Variants in DAPK1 observed in about 807,000 individuals in gnomAD.
DAPK1 encodes the protein death associated protein kinase 1.
DAPK1 carries 56 observed loss-of-function variants against 144.9 expected under a neutral mutation model. That is an observed-to-expected ratio of 0.39 (90% CI 0.31 to 0.48). DAPK1 has a LOEUF of 0.48. DAPK1 is among the 20% of genes least tolerant of loss of function. DAPK1 has a pLI of 0.95. For missense variants in DAPK1, 1,454 were observed against 1,875.4 expected (o/e 0.78, Z 4.15); for synonymous variants, 690 against 749.0 (o/e 0.92, Z 1.29).
chr9:87,660,809 G>A (rs978081383), intron 18 of DAPK1, among the ~76,000 whole-genome samples: 1 of 152,138 alleles, frequency 6.6e-6, no homozygotes, highest in Non-Finnish European at 1.5e-5. Context: ...CAAAGGACAT[G>A]ATTTCCTTCT....
intron 2 of DAPK1, among the ~76,000 whole-genome samples, chr9:87,563,911 A>G (rs1323050516): frequency 6.6e-6 from 1 of 151,676 alleles, no homozygotes; most frequent in Non-Finnish European, 1.5e-5. Context: ...ATCAGTGTCC[A>G]CTCCCTGCTC....
intron 2 of DAPK1, chr9:87,525,257 G>C: frequency 6.9e-7 from 1 of 1,444,100 alleles, no homozygotes; most frequent in Non-Finnish European, 9.7e-7. Context: ...AAAATGCGTT[G>C]AATAGAGCTT....
At chr9:87,592,721 T>C (rs897472160) in intron 2 of DAPK1, among the ~76,000 whole-genome samples, 9 of 152,122 alleles carry the variant, frequency 5.9e-5, no homozygotes, top group Admixed American at 5.9e-4. Context: ...CGTGGCTGAC[T>C]TCCAGGGAGT....
At chr9:87,662,458 G>A (rs1830882647) in intron 18 of DAPK1, among the ~76,000 whole-genome samples, 1 of 151,270 alleles carries the variant, frequency 6.6e-6, no homozygotes, top group Admixed American at 6.6e-5. Context: ...CGTGAGCACA[G>A]GATGTTTTTC....
intron 2 of DAPK1, among the ~76,000 whole-genome samples, chr9:87,509,204 C>G (rs1824734640): frequency 6.6e-6 from 1 of 152,178 alleles, no homozygotes; most frequent in Non-Finnish European, 1.5e-5. Context: ...TTAATGGGTG[C>G]TGCTCATGTT....
At chr9:87,602,549 A>C (rs187380471) in intron 2 of DAPK1, among the ~76,000 whole-genome samples, 2 of 152,308 alleles carry the variant, frequency 1.3e-5, no homozygotes, top group African/African-American at 4.8e-5. Context: ...TGGAGGTGAA[A>C]ACGCACGTGG....
chr9:87,689,591 G>A (rs1278957963), intron 21 of DAPK1, among the ~76,000 whole-genome samples: 1 of 151,952 alleles, frequency 6.6e-6, no homozygotes, highest in African/African-American at 2.4e-5. Context: ...ATCTTTGTAG[G>A]ACCAATGTCC....
chr9:87,641,063 A>C (rs1205274321), intron 9 of DAPK1, among the ~76,000 whole-genome samples: 1 of 152,142 alleles, frequency 6.6e-6, no homozygotes, highest in Non-Finnish European at 1.5e-5. Flanking sequence ...CAGAGCAGGA[A>C]CTGAAGAAGG....
intron 3 of DAPK1, among the ~76,000 whole-genome samples, chr9:87,612,757 C>T (rs184874902): frequency 5.3e-5 from 8 of 152,304 alleles, no homozygotes; most frequent in Admixed American, 6.5e-5. Flanking sequence ...ACATCTCACT[C>T]CCTGCAGATA....
intron 2 of DAPK1, among the ~76,000 whole-genome samples, chr9:87,532,950 A>C (rs1186849654): frequency 1.3e-5 from 2 of 152,174 alleles, no homozygotes; most frequent in Non-Finnish European, 2.9e-5. Flanking sequence ...ATGTTAGTAC[A>C]TTTCAACAAT....
chr9:87,599,075 C>T (rs1828424063), intron 2 of DAPK1, among the ~76,000 whole-genome samples: 1 of 152,212 alleles, frequency 6.6e-6, no homozygotes, highest in Non-Finnish European at 1.5e-5. Context: ...TAGAGTGATG[C>T]TGGAGTCTGT....
At chr9:87,511,624 A>G (rs1050932082) in intron 2 of DAPK1, among the ~76,000 whole-genome samples, 1 of 149,998 alleles carries the variant, frequency 6.7e-6, no homozygotes, top group Non-Finnish European at 1.5e-5. Context: ...CGTGTTTTTA[A>G]TGCAGTGTGC....
intron 2 of DAPK1, among the ~76,000 whole-genome samples, chr9:87,509,233 A>G (rs1027254039): frequency 2.0e-5 from 3 of 152,264 alleles, no homozygotes; most frequent in Non-Finnish European, 2.9e-5. Flanking sequence ...TGAATGGTAT[A>G]TAATACACAG....
At chr9:87,681,692 G>C in intron 20 of DAPK1, 66 bp downstream of exon 20, 2 of 825,322 alleles carry the variant, frequency 2.4e-6, no homozygotes. Flanking sequence ...CTCCTTTCAA[G>C]GTCTAGGGGG....
In DAPK1 at chr9:87,577,602, G is replaced by A. The variant is rs146541403; in HGVS notation, c.63-27352G>A. ...CACTTGAGGTCAGGAGTTCCAGACC[G>A]TCCTGGCCAACATGGTGAAACCCCG... On this transcript the variant is annotated intron_variant, in intron 2 of 25. Coordinates refer to ENST00000408954, the MANE Select transcript of DAPK1 (RefSeq NM_004938.4). 3.4e-3 allele frequency among the ~76,000 whole-genome samples: 512 copies of A among 152,148 alleles called. 4 individuals carry two copies. The highest frequency in any genetic ancestry group is 0.012 in the African/African-American group (493 of 41,516).
rs754573059 is a variant in DAPK1 at position 87,700,193 on chromosome 9, G to A, written c.2827G>A (p.Val943Ile). The A allele has an allele frequency of 1.6e-5, 26 of 1,608,410 alleles. No individual in the cohort carries two copies. The highest frequency in any genetic ancestry group is 2.2e-5 in the East Asian group (1 of 44,854). The change falls in exon 24 of 26, where the codon GTA (valine) becomes ATA (isoleucine). Residue 943 changes from valine (V) to isoleucine (I), a missense_variant. Around this residue, in one of 2 missense-constraint regions of DAPK1, gnomAD observed 1,025 missense variants for 1,237.9 expected, o/e 0.83. Transcript: ENST00000408954. ...GGCTTCTGGGTCAAAGGACATGAAG[G>A]TACTTCGAAATCATCTGCAAGAAAT... ...AGASGSKDMK[V>I]LRNHLQEIRS...
chr9:87,657,779 G>A lies in DAPK1; in HGVS notation c.1825-250G>A, dbSNP rs1331248516. On this transcript the variant is annotated intron_variant, in intron 17 of 25. Transcript: ENST00000408954. ...CTTGACTCCTGTCTCTTTCAGGCCA[G>A]CACAGCAGGAAACTTACTTAAGTTA... 8.1e-6 allele frequency: 4 copies of A among 492,068 alleles called. No homozygotes were observed. In the East Asian group the frequency reaches 1.2e-4, roughly 14 times the overall value. 30.5% of individuals were successfully genotyped at this position (492,068 alleles called of 1,614,324 possible).
chr9:87,585,332 A>T (rs543630851), intron 2 of DAPK1, among the ~76,000 whole-genome samples: 1 of 152,184 alleles, frequency 6.6e-6, no homozygotes, highest in Non-Finnish European at 1.5e-5. Context: ...GGTTATACTA[A>T]CAGGAATTCG....
Position 87,640,191 on chromosome 9 carries a change from C to T in DAPK1, c.630-107C>T, listed in dbSNP as rs760887679. The T allele has an allele frequency of 1.5e-3, 1,720 of 1,125,402 alleles. 9 individuals are homozygous for T. Among genetic ancestry groups the T allele is most frequent in the Non-Finnish European group, 1.4e-3 (1,097 of 784,046 alleles). The allele number at this position is 1,125,402 out of a possible 1,614,324, so 69.7% of individuals were successfully genotyped here. A position where few individuals can be genotyped will look rare whatever the true frequency, so the allele number is the denominator to read the frequency against. On this transcript the variant is annotated intron_variant, in intron 7 of 25. Coordinates refer to ENST00000408954, the MANE Select transcript of DAPK1 (RefSeq NM_004938.4). The stretch of plus-strand genomic sequence containing the variant: ...GAAATATAATCAAACTGTGACTATT[C>T]GAGCACCAGATTATAATCTTATTCC...
Sources: allele counts gnomAD v4.1 joint callset (sites outside exome capture counted in the v4.1 genomes callset), GRCh38; gene constraint gnomAD v4.1.1; regional missense constraint gnomAD v4.1.1; transcripts MANE v1.5; gene names NCBI Gene and HGNC (gene_info 2026-07-23, HGNC 2026-07-21).